LIG1: variants seen among roughly 807,000 people sequenced by gnomAD.
LIG1 encodes the protein ligase I, DNA, ATP-dependent.
LIG1 carries 70 observed loss-of-function variants against 115.7 expected under a neutral mutation model. That is an observed-to-expected ratio of 0.60 (90% CI 0.50 to 0.74). LIG1 has a LOEUF of 0.74. Among genes scored for constraint, LIG1 ranks in the 30% least tolerant of loss-of-function variants. The probability of loss-of-function intolerance (pLI) is 0.00; values close to 1 mark genes in which losing one functional copy is unlikely to be tolerated. For synonymous variants in LIG1, 487 were observed against 495.3 expected (o/e 0.98, Z 0.22); for missense variants, 1,115 against 1,225.6 (o/e 0.91, Z 1.35).
intron 9 of LIG1, 69 bp downstream of exon 9, chr19:48,149,693 GT>G: frequency 8.2e-7 from 1 of 1,215,692 alleles, no homozygotes; most frequent in Non-Finnish European, 1.2e-6. Context: ...TGAGCTGGGG[GT>G]GGGGCTGTCG....
At position 48,122,853 on chromosome 19, in the gene LIG1, G is replaced by A. The variant is rs2033387659; in HGVS notation, c.2232+81C>T. ...CCTGAGCTCAGACAGGGTACACAGTGGAGGCTCGAAATCCACTGCCTAGCT... is the reference window on the plus strand; with the variant it reads ...CCTGAGCTCAGACAGGGTACACAGTAGAGGCTCGAAATCCACTGCCTAGCT... On this transcript the variant is annotated intron_variant, in intron 23 of 27. Transcript: ENST00000263274. This position sits in a 1 kb window ranked among gnomAD's most constrained non-coding sequence, Gnocchi z 4.3. 7.8e-7 allele frequency: 1 copy of A among 1,280,358 alleles called. No individual in the cohort carries two copies. Among genetic ancestry groups the A allele is most frequent in the Non-Finnish European group, 1.1e-6 (1 of 875,926 alleles). The allele number at this position is 1,280,358 out of a possible 1,614,324, so 79.3% of individuals were successfully genotyped here.
At chr19:48,150,779 C>A (rs921314828) in intron 7 of LIG1, among the ~76,000 whole-genome samples, 25 of 152,180 alleles carry the variant, frequency 1.6e-4, no homozygotes, top group African/African-American at 5.6e-4. Flanking sequence ...GTCACTGCAA[C>A]CTCCACCTCC....
Position 48,151,411 on chromosome 19 carries a change from A to ACT in LIG1, c.467-73_467-72insAG, listed in dbSNP as rs1454434485. The ACT allele has an allele frequency of 2.8e-4, 259 of 929,546 alleles. 2 individuals carry two copies. Among genetic ancestry groups the ACT allele is most frequent in the Non-Finnish European group, 5.2e-5 (29 of 557,572 alleles). 57.6% of individuals were successfully genotyped at this position (929,546 alleles called of 1,614,324 possible). On this transcript the variant is annotated intron_variant, in intron 6 of 27. Transcript: ENST00000263274. The stretch of plus-strand genomic sequence containing the variant: ...CTACAAGGGCATTTTGACTCTGGAG[A>ACT]CAGTCTGCCCTCATCTGTCATCTGT...
At chr19:48,133,205 T>A in intron 17 of LIG1, 108 bp from the exon 18 acceptor site, 1 of 797,232 alleles carries the variant, frequency 1.3e-6, no homozygotes, top group Non-Finnish European at 2.2e-6. Context: ...GCTTTCTTGC[T>A]ATTCAGTCAC....
chr19:48,122,622 T>G lies in LIG1; in HGVS notation c.2232+312A>C, dbSNP rs1172035620. On this transcript the variant is annotated intron_variant, in intron 23 of 27. Transcript: ENST00000263274. The surrounding 1 kb of genome is among the most constrained non-coding windows in gnomAD (Gnocchi z 4.3). Reference sequence around the variant, plus strand: ...CCTGCCTGACTTTCTCTTATTCATGTCCTGGCTTAATTCCTGCCCAAGAGC... The same window carrying G: ...CCTGCCTGACTTTCTCTTATTCATGGCCTGGCTTAATTCCTGCCCAAGAGC... 1.3e-5 allele frequency among the ~76,000 whole-genome samples: 2 copies of G among 152,366 alleles called. No individual in the cohort carries two copies. Among genetic ancestry groups the G allele is most frequent in the East Asian group, 3.9e-4 (2 of 5,176 alleles).
chr19:48,137,290 G>A lies in LIG1; in HGVS notation c.1255-206C>T, dbSNP rs1363632413. On this transcript the variant is annotated intron_variant, in intron 13 of 27. Coordinates refer to ENST00000263274, the MANE Select transcript of LIG1 (RefSeq NM_000234.3). The surrounding 1 kb of genome is among the most constrained non-coding windows in gnomAD (Gnocchi z 4.3). Reference sequence around the variant, plus strand: ...CCTTGCCTCCCTCTCCCTTTATCCAGGAAGTATTTACTGAGTCCTGTCATG... The same window carrying A: ...CCTTGCCTCCCTCTCCCTTTATCCAAGAAGTATTTACTGAGTCCTGTCATG... 1.2e-4 allele frequency among the ~76,000 whole-genome samples: 18 copies of A among 152,216 alleles called. 1 individual carries two copies. The highest frequency in any genetic ancestry group is 1.2e-3 in the Admixed American group (18 of 15,274).
chr19:48,117,879 A>G (rs2032975435), intron 25 of LIG1, 98 bp from the exon 26 acceptor site: 2 of 1,301,470 alleles, frequency 1.5e-6, no homozygotes, highest in South Asian at 2.5e-5. Context: ...GGAAAAAAAC[A>G]GGCACCCCCT....
At chr19:48,143,366 A>C (rs991721107) in intron 11 of LIG1, among the ~76,000 whole-genome samples, 177 bp downstream of exon 11, 1 of 152,194 alleles carries the variant, frequency 6.6e-6, no homozygotes, top group African/African-American at 2.4e-5. Flanking sequence ...TGAGGCAGAA[A>C]GTCAAGAGGA....
chr19:48,130,703 C>T (rs2033961370), intron 19 of LIG1, among the ~76,000 whole-genome samples: 1 of 152,190 alleles, frequency 6.6e-6, no homozygotes, highest in African/African-American at 2.4e-5. Flanking sequence ...AAAGTGTTAA[C>T]TCAAGCTAGA....
intron 1 of LIG1, among the ~76,000 whole-genome samples, chr19:48,166,902 T>C (rs8109984): frequency 0.49 from 72,690 of 147,038 alleles, 17,954 homozygotes; most frequent in East Asian, 0.68. Context: ...ACCCAGGAAG[T>C]GGAGGTTGCA....
chr19:48,157,103 C>T lies in LIG1; in HGVS notation c.281G>A (p.Arg94His), dbSNP rs41549918. Residue 94 changes from arginine (R) to histidine (H), a missense_variant, in exon 5 of 28, where the codon CGT becomes CAT. Transcript: ENST00000263274. ...ALDCSQVSPP[R>H]PATSPENNAS... Reference sequence around the variant, plus strand: ...ATTGTTCTCAGGAGATGTGGCAGGACGGGGCGGGGAGACCTGTGAGCAGTC... The same window carrying T: ...ATTGTTCTCAGGAGATGTGGCAGGATGGGGCGGGGAGACCTGTGAGCAGTC... 166 of 1,613,350 alleles carry T rather than the reference C, an allele frequency of 1.0e-4. No homozygotes were observed. The highest frequency in any genetic ancestry group is 3.3e-4 in the East Asian group (15 of 44,862).
intron 12 of LIG1, among the ~76,000 whole-genome samples, chr19:48,139,140 C>T (rs2034578659): frequency 6.6e-6 from 1 of 152,208 alleles, no homozygotes; most frequent in Non-Finnish European, 1.5e-5. Context: ...GAACCCTGGG[C>T]TCTGAGCCAG....
rs1599767626 is a variant in LIG1 at position 48,131,161 on chromosome 19, A to C, written c.1736T>G (p.Leu579Arg). 6.2e-7 allele frequency: 1 copy of C among 1,613,984 alleles called. No individual in the cohort carries two copies. Among genetic ancestry groups the C allele is most frequent in the East Asian group, 2.2e-5 (1 of 44,874 alleles). Reference protein sequence around the residue: ...YDGQRAQIHALEGGEVKIFSR... With the variant: ...YDGQRAQIHAREGGEVKIFSR... ...GAAGATCTTCACCTCCCCGCCTTCC[A>C]GGGCGTGGATCTGTCACGATGGGAG... The change falls in exon 19 of 28, where the codon CTG becomes CGG. Residue 579 changes from leucine (L) to arginine (R), a missense_variant. Physicochemically the swap from Leu to Arg is moderately radical, Grantham distance 102. Coordinates refer to ENST00000263274, the MANE Select transcript of LIG1 (RefSeq NM_000234.3).
At position 48,122,030 on chromosome 19, in the gene LIG1, C is replaced by A. The variant is rs947184092; in HGVS notation, c.2233-708G>T. Among the ~76,000 whole-genome samples, 2 of 152,222 alleles carry A rather than the reference C, an allele frequency of 1.3e-5. No individual in the cohort carries two copies. Among genetic ancestry groups the A allele is most frequent in the Non-Finnish European group, 2.9e-5 (2 of 68,046 alleles). ...CCTGGGGGCACAACAGTGCTATTTC[C>A]TGAGACAGGAAAGGTCTGTGCTGGA... On this transcript the variant is annotated intron_variant, in intron 23 of 27. Transcript: ENST00000263274. The surrounding 1 kb of genome is among the most constrained non-coding windows in gnomAD (Gnocchi z 4.3).
chr19:48,144,781 G>A (rs981243158), intron 9 of LIG1, among the ~76,000 whole-genome samples: 3 of 151,804 alleles, frequency 2.0e-5, no homozygotes, highest in Non-Finnish European at 4.4e-5. Flanking sequence ...TAGGATTATA[G>A]GCGTGAGCCA....
intron 16 of LIG1, among the ~76,000 whole-genome samples, chr19:48,134,451 A>G (rs1232955735): frequency 6.6e-6 from 1 of 152,230 alleles, no homozygotes; most frequent in Admixed American, 6.5e-5. Flanking sequence ...TGAGCCCAGG[A>G]GTTCAAGACC....
At chr19:48,156,416 G>T (rs1421739240) in intron 5 of LIG1, among the ~76,000 whole-genome samples, 1 of 152,142 alleles carries the variant, frequency 6.6e-6, no homozygotes, top group Non-Finnish European at 1.5e-5. Context: ...CTGAGGGCTG[G>T]GCCCAGTTCT....
intron 21 of LIG1, among the ~76,000 whole-genome samples, chr19:48,125,010 CAAA>C (rs34073314): frequency 2.2e-5 from 2 of 90,636 alleles, no homozygotes; most frequent in Non-Finnish European, 5.2e-5. Context: ...GACTGTGTCT[CAAA>C]AAAAAAAAAA....
intron 23 of LIG1, among the ~76,000 whole-genome samples, chr19:48,121,999 C>T (rs975831343): frequency 1.3e-5 from 2 of 152,216 alleles, no homozygotes; most frequent in African/African-American, 4.8e-5. Flanking sequence ...CAGGCAGAAG[C>T]TCAGCCCTGG....
Sources: allele counts gnomAD v4.1 joint callset (sites outside exome capture counted in the v4.1 genomes callset), GRCh38; gene constraint gnomAD v4.1.1; non-coding constraint Gnocchi (gnomAD v3.1); transcripts MANE v1.5; gene names NCBI Gene and HGNC (gene_info 2026-07-23, HGNC 2026-07-21).